Variants in BCL2L11 observed in about 807,000 individuals in gnomAD.
The protein encoded by BCL2L11 is BCL2 like 11.
In BCL2L11, 15 loss-of-function variants were observed where a neutral mutation model predicts 20.6. The ratio of observed to expected loss-of-function variants is 0.73; its 90% CI spans 0.49 to 1.12. The LOEUF is 1.12. Among genes scored for constraint, BCL2L11 ranks in the 50% most tolerant of loss-of-function variants. BCL2L11 has a pLI of 0.00. For missense variants in BCL2L11, 292 were observed against 260.9 expected (o/e 1.12, Z -0.82); for synonymous variants, 108 against 92.8 (o/e 1.16, Z -0.94).
chr2:111,124,320 T>G (rs1299336659), intron 2 of BCL2L11, among the ~76,000 whole-genome samples, 181 bp downstream of exon 2: 2 of 151,738 alleles, frequency 1.3e-5, no homozygotes, highest in East Asian at 3.9e-4. Flanking sequence ...GAGATGAGTC[T>G]TGCTCTGTCG....
At chr2:111,144,834 ATC>A (rs1180277691) in intron 2 of BCL2L11, among the ~76,000 whole-genome samples, 1 of 152,188 alleles carries the variant, frequency 6.6e-6, no homozygotes, top group Non-Finnish European at 1.5e-5. Flanking sequence ...TTAAAGCAGA[ATC>A]TCTCTGGAGA....
chr2:111,161,722 T>C (rs1029470727), intron 3 of BCL2L11, among the ~76,000 whole-genome samples: 3 of 152,228 alleles, frequency 2.0e-5, no homozygotes, highest in African/African-American at 7.2e-5. Context: ...TGTGCTACCC[T>C]GGCCAGAAGC....
intron 1 of BCL2L11, among the ~76,000 whole-genome samples, chr2:111,122,298 C>T (rs1279616290): frequency 3.3e-5 from 5 of 152,214 alleles, no homozygotes; most frequent in African/African-American, 7.2e-5. Context: ...CCTGCTTTGT[C>T]TCCAGGTGAC....
At chr2:111,155,718 T>C (rs2077751977) in intron 3 of BCL2L11, among the ~76,000 whole-genome samples, 1 of 152,180 alleles carries the variant, frequency 6.6e-6, no homozygotes, top group Non-Finnish European at 1.5e-5. Flanking sequence ...GGTGGTGGGC[T>C]GCAGTGGACA....
At chr2:111,135,755 G>A (rs1345537206) in intron 2 of BCL2L11, among the ~76,000 whole-genome samples, 1 of 152,186 alleles carries the variant, frequency 6.6e-6, no homozygotes, top group Non-Finnish European at 1.5e-5. Context: ...GGTTCAGTGG[G>A]TGTGTGTAAT....
chr2:111,147,585 C>T (rs1156398053), intron 2 of BCL2L11, among the ~76,000 whole-genome samples: 1 of 152,188 alleles, frequency 6.6e-6, no homozygotes, highest in African/African-American at 2.4e-5. Flanking sequence ...TTAAAAGCTC[C>T]TACCTGCTGG....
chr2:111,150,350 A>T, intron 3 of BCL2L11: 1 of 1,042,700 alleles, frequency 9.6e-7, no homozygotes. Context: ...AAAATAATAC[A>T]GTAGGAGGCA....
rs1252958187 is a variant in BCL2L11 at position 111,168,339 on chromosome 2, T to A, written c.*4108T>A. On this transcript the variant is annotated 3_prime_UTR_variant, in exon 4 of 4. Coordinates refer to ENST00000393256, the MANE Select transcript of BCL2L11 (RefSeq NM_138621.5). ...TACTTGTGTTTTGCACTGATGAATT[T>A]TGACAGGGTAATTGCCACTTTACTT... 1 of 152,674 alleles carries A rather than the reference T, an allele frequency of 6.5e-6. No individual in the cohort carries two copies. The highest frequency in any genetic ancestry group is 2.4e-5 in the African/African-American group (1 of 41,466). The allele number at this position is 152,674 out of a possible 1,614,324, so 9.5% of individuals were successfully genotyped here.
intron 1 of BCL2L11, among the ~76,000 whole-genome samples, chr2:111,121,838 A>G (rs2241842): frequency 0.43 from 65,941 of 152,092 alleles, 14,766 homozygotes; most frequent in Non-Finnish European, 0.48. Context: ...GGCAGCGAGA[A>G]ATCTAGGTCC....
chr2:111,121,620 T>C (rs1205227986), intron 1 of BCL2L11, among the ~76,000 whole-genome samples: 1 of 152,176 alleles, frequency 6.6e-6, no homozygotes, highest in Admixed American at 6.5e-5. Flanking sequence ...TGAGGGTGTT[T>C]CGTGTCTTGG....
At position 111,129,260 on chromosome 2, in the gene BCL2L11, A is replaced by AG. The variant is rs1465799290; in HGVS notation, c.394+5124dup. 2.0e-5 allele frequency among the ~76,000 whole-genome samples: 3 copies of AG among 152,326 alleles called. No homozygotes were observed. The East Asian group carries it at 5.8e-4, about 29-fold the overall frequency. On this transcript the variant is annotated intron_variant, in intron 2 of 3. Coordinates refer to ENST00000393256, the MANE Select transcript of BCL2L11 (RefSeq NM_138621.5). ...GAGCCTCCCAATAGAGGTGTCTTCGAGGGAGTCCCAGCTCTGTCTCTGAAA... is the reference window on the plus strand; with the variant it reads ...GAGCCTCCCAATAGAGGTGTCTTCGAGGGGAGTCCCAGCTCTGTCTCTGAAA...
At chr2:111,126,588 A>G (rs778156376) in intron 2 of BCL2L11, among the ~76,000 whole-genome samples, 2 of 152,122 alleles carry the variant, frequency 1.3e-5, no homozygotes, top group Non-Finnish European at 2.9e-5. Flanking sequence ...TTGAAGCATA[A>G]AATTTACAAT....
intron 3 of BCL2L11, among the ~76,000 whole-genome samples, chr2:111,155,684 C>A (rs2150545800): frequency 6.6e-6 from 1 of 152,304 alleles, no homozygotes; most frequent in South Asian, 2.1e-4. Flanking sequence ...CTGCTCTTGG[C>A]TAACTGTGAC....
chr2:111,136,092 G>T lies in BCL2L11; in HGVS notation c.394+11953G>T, dbSNP rs538692043. Among the ~76,000 whole-genome samples, 38 of 152,278 alleles carry T rather than the reference G, an allele frequency of 2.5e-4. No homozygotes were observed. In the South Asian group the frequency reaches 6.8e-3, roughly 27 times the overall value. Reference sequence around the variant, plus strand: ...TGGGGCTGCTGCCAGGGGCGTTGTGGTTTTCCCGTTGCTGTTTGGCTAGAG... The same window carrying T: ...TGGGGCTGCTGCCAGGGGCGTTGTGTTTTTCCCGTTGCTGTTTGGCTAGAG... On this transcript the variant is annotated intron_variant, in intron 2 of 3. Coordinates refer to ENST00000393256, the MANE Select transcript of BCL2L11 (RefSeq NM_138621.5).
intron 2 of BCL2L11, among the ~76,000 whole-genome samples, chr2:111,147,538 A>G (rs576926949): frequency 4.6e-5 from 7 of 152,230 alleles, no homozygotes; most frequent in Non-Finnish European, 1.0e-4. Context: ...CAGGGCATTT[A>G]TCTCTTAAGA....
intron 2 of BCL2L11, chr2:111,144,585 T>A: frequency 1.4e-6 from 2 of 1,473,482 alleles, no homozygotes; most frequent in Non-Finnish European, 1.8e-6. Context: ...AAGCTTTGGA[T>A]AACTCTGAAT....
intron 3 of BCL2L11, chr2:111,161,645 A>C (rs2078562440): frequency 7.5e-7 from 1 of 1,328,734 alleles, no homozygotes; most frequent in Non-Finnish European, 1.0e-6. Context: ...ACTTGCCTTT[A>C]ACTGGCAACT....
chr2:111,122,988 C>G, intron 1 of BCL2L11: 1 of 985,224 alleles, frequency 1.0e-6, no homozygotes. Context: ...GCGGCGCGCA[C>G]CGGTGTCGCC....
intron 3 of BCL2L11, among the ~76,000 whole-genome samples, chr2:111,160,068 A>T (rs1318685145): frequency 6.6e-6 from 1 of 152,224 alleles, no homozygotes; most frequent in East Asian, 1.9e-4. Context: ...TATGATAAAT[A>T]CTTATCCACT....
Sources: gnomAD v4.1 joint callset for allele counts (sites outside exome capture counted in the v4.1 genomes callset) on GRCh38, gnomAD v4.1.1 for gene constraint, MANE v1.5 for transcripts, NCBI Gene and HGNC (gene_info 2026-07-23, HGNC 2026-07-21) for gene names.